The following KAT6A variants were observed in gnomAD, a reference collection of about 807,000 sequenced individuals.
KAT6A encodes histone acetyltransferase KAT6A.
In KAT6A, 9 loss-of-function variants were observed where a neutral mutation model predicts 198.4. The ratio of observed to expected loss-of-function variants is 0.05; its 90% CI spans 0.03 to 0.08. KAT6A has a LOEUF of 0.08. KAT6A is among the 10% of genes least tolerant of loss of function. The pLI is 1.00. For synonymous variants in KAT6A, 890 were observed against 883.0 expected (o/e 1.01, Z -0.14); for missense variants, 2,077 against 2,509.9 (o/e 0.83, Z 3.69).
chr8:41,939,063 A>G (rs995999110), intron 15 of KAT6A, among the ~76,000 whole-genome samples: 1 of 152,160 alleles, frequency 6.6e-6, no homozygotes, highest in African/African-American at 2.4e-5. Context: ...TTTAAAAAGC[A>G]GTAGTATTGG....
At chr8:41,984,659 A>C (rs1190975234) in intron 3 of KAT6A, among the ~76,000 whole-genome samples, 1 of 152,198 alleles carries the variant, frequency 6.6e-6, no homozygotes, top group African/African-American at 2.4e-5. Flanking sequence ...ACTAGTAGTT[A>C]ATTGTTCTAC....
chr8:41,948,416 G>T (rs1822502523), intron 10 of KAT6A, among the ~76,000 whole-genome samples: 1 of 152,152 alleles, frequency 6.6e-6, no homozygotes, highest in South Asian at 2.1e-4. Flanking sequence ...ACTAACTATT[G>T]CCACGCAGAA....
chr8:41,999,835 T>C (rs1229634399), intron 2 of KAT6A, among the ~76,000 whole-genome samples: 1 of 152,200 alleles, frequency 6.6e-6, no homozygotes, highest in Non-Finnish European at 1.5e-5. Context: ...GCAAGTTACT[T>C]AAGTGTTGAA....
intron 2 of KAT6A, among the ~76,000 whole-genome samples, chr8:41,996,653 CCT>C (rs913686598): frequency 7.2e-5 from 11 of 152,160 alleles, no homozygotes; most frequent in African/African-American, 2.4e-4. Context: ...GCCCCCTTTT[CCT>C]CTCTGTCTTG....
chr8:41,943,503 C>T (rs1224362244), intron 13 of KAT6A, among the ~76,000 whole-genome samples: 1 of 151,984 alleles, frequency 6.6e-6, no homozygotes, highest in Non-Finnish European at 1.5e-5. Context: ...GATTCAGTAG[C>T]TTAGGTCCAA....
chr8:41,966,802 C>T (rs1823514015), intron 8 of KAT6A, among the ~76,000 whole-genome samples: 1 of 152,122 alleles, frequency 6.6e-6, no homozygotes, highest in South Asian at 2.1e-4. Flanking sequence ...GATTTTGCTA[C>T]CCCCATGACA....
At chr8:42,000,961 C>T (rs1414246472) in intron 2 of KAT6A, among the ~76,000 whole-genome samples, 1 of 152,096 alleles carries the variant, frequency 6.6e-6, no homozygotes, top group East Asian at 1.9e-4. Context: ...CAGTTTTCAA[C>T]TCAGTTGCTC....
chr8:41,973,351 G>A (rs546592049), intron 8 of KAT6A, among the ~76,000 whole-genome samples: 2 of 151,620 alleles, frequency 1.3e-5, no homozygotes, highest in Non-Finnish European at 2.9e-5. Context: ...TCAGCCTCCC[G>A]AGTAGCTGGG....
chr8:42,032,799 G>A (rs565407160), intron 2 of KAT6A, among the ~76,000 whole-genome samples: 59 of 151,668 alleles, frequency 3.9e-4, no homozygotes, highest in African/African-American at 1.4e-3. Flanking sequence ...AGTTGTGGCT[G>A]GCACACTGGC....
At chr8:41,976,909 T>C in intron 7 of KAT6A, 99 bp downstream of exon 7, 1 of 1,003,090 alleles carries the variant, frequency 1.0e-6, no homozygotes. Flanking sequence ...TAACCAATTG[T>C]TAATAATCAA....
intron 2 of KAT6A, among the ~76,000 whole-genome samples, chr8:42,003,910 C>T (rs772253183): frequency 2.0e-5 from 3 of 152,168 alleles, no homozygotes; most frequent in South Asian, 2.1e-4. Flanking sequence ...AGAGGATAAC[C>T]TTGCCGGTGC....
intron 2 of KAT6A, among the ~76,000 whole-genome samples, chr8:42,026,092 T>C (rs183715829): frequency 6.6e-6 from 1 of 152,294 alleles, no homozygotes; most frequent in Admixed American, 6.5e-5. Context: ...TGTAAATACA[T>C]GGATTTATTT....
chr8:41,998,640 G>C (rs1825342034), intron 2 of KAT6A, among the ~76,000 whole-genome samples: 1 of 152,060 alleles, frequency 6.6e-6, no homozygotes, highest in Admixed American at 6.5e-5. Context: ...AAAATGCAAT[G>C]AAACCATGCT....
At chr8:41,959,765 T>C (rs182846718) in intron 8 of KAT6A, among the ~76,000 whole-genome samples, 35 of 152,236 alleles carry the variant, frequency 2.3e-4, no homozygotes, top group Admixed American at 4.6e-4. Flanking sequence ...GAGACCATCC[T>C]GGCCAACGTG....
chr8:41,931,487 T>A lies in KAT6A; in HGVS notation c.*718A>T. ...TTTAAAAAAGAAGAAAAAAATTATA[T>A]TACACTTGATTCAAGAACAACAAAG... is the stretch of plus-strand genomic sequence containing the variant. On this transcript the variant is annotated 3_prime_UTR_variant, in exon 17 of 17. Coordinates refer to ENST00000265713, the MANE Select transcript of KAT6A (RefSeq NM_006766.5). 1 of 208,482 alleles carries A rather than the reference T, an allele frequency of 4.8e-6. No individual in the cohort carries two copies. 12.9% of individuals were successfully genotyped at this position (208,482 alleles called of 1,614,324 possible).
At chr8:42,043,310 T>A (rs926670545) in intron 2 of KAT6A, among the ~76,000 whole-genome samples, 2 of 152,198 alleles carry the variant, frequency 1.3e-5, no homozygotes, top group Non-Finnish European at 1.5e-5. Flanking sequence ...AGTTACACAC[T>A]CTTCTCCTCA....
chr8:41,934,850 G>A lies in KAT6A; in HGVS notation c.3370C>T (p.Pro1124Ser). ...DDADDTPILK[P>S]VSLLRKRDVK... is the part of the protein sequence containing the mutation. ...TCACGTTTTCGCAAAAGAGATACTGGCTTTAAGATAGGAGTGTCTATACAG... is the reference window on the plus strand; with the variant it reads ...TCACGTTTTCGCAAAAGAGATACTGACTTTAAGATAGGAGTGTCTATACAG... The change falls in exon 17 of 17, where the codon CCA becomes TCA. Residue 1124 changes from proline to serine, a missense_variant. Physicochemically the swap from Pro to Ser is moderately conservative, Grantham distance 74. Around this residue, in one of 13 missense-constraint regions of KAT6A, gnomAD observed 375 missense variants for 383.0 expected, o/e 0.98. Transcript: ENST00000265713. 1.2e-6 allele frequency: 2 copies of A among 1,610,404 alleles called. No homozygotes were observed. Among genetic ancestry groups the A allele is most frequent in the Non-Finnish European group, 1.7e-6 (2 of 1,178,730 alleles).
chr8:41,931,251 G>A lies in KAT6A; in HGVS notation c.*954C>T, dbSNP rs1055158204. 9.1e-6 allele frequency: 2 copies of A among 220,736 alleles called. No individual in the cohort carries two copies. Among genetic ancestry groups the A allele is most frequent in the Non-Finnish European group, 1.8e-5 (2 of 110,008 alleles). 13.7% of individuals were successfully genotyped at this position (220,736 alleles called of 1,614,324 possible). ...AGTTAGCATTTCAAAGTACATACTA[G>A]AAACAAGAGGCTGGGTGGCGTGTGT... On this transcript the variant is annotated 3_prime_UTR_variant, in exon 17 of 17. Coordinates refer to ENST00000265713, the MANE Select transcript of KAT6A (RefSeq NM_006766.5).
rs1821722655 is a variant in KAT6A at position 41,934,159 on chromosome 8, G to C, written c.4061C>G (p.Ala1354Gly). 2.5e-6 allele frequency: 4 copies of C among 1,613,998 alleles called. No individual in the cohort carries two copies. The highest frequency in any genetic ancestry group is 4.5e-5 in the East Asian group (2 of 44,876). The change falls in exon 17 of 17, where the codon GCT becomes GGT. Residue 1354 changes from alanine (A) to glycine (G), a missense_variant. Physicochemically the swap from Ala to Gly is moderately conservative, Grantham distance 60. Coordinates refer to ENST00000265713, the MANE Select transcript of KAT6A (RefSeq NM_006766.5). ...CTTTTCCCTACTCTTCTGCATATTAGCATCTAAAAAAGACTCTTGAACACC... is the reference window on the plus strand; with the variant it reads ...CTTTTCCCTACTCTTCTGCATATTACCATCTAAAAAAGACTCTTGAACACC... ...EPGVQESFLD[A>G]NMQKSREKIK...
Sources: allele counts gnomAD v4.1 joint callset (sites outside exome capture counted in the v4.1 genomes callset), GRCh38; gene constraint gnomAD v4.1.1; regional missense constraint gnomAD v4.1.1; transcripts MANE v1.5; gene names NCBI Gene and HGNC (gene_info 2026-07-23, HGNC 2026-07-21).